Variants in NALCN observed in about 807,000 individuals in gnomAD.
NALCN encodes sodium leak channel, non-selective, also known as sodium leak channel NALCN.
In NALCN, 111 loss-of-function variants were observed where a neutral mutation model predicts 225.3. That is an observed-to-expected ratio of 0.49 (90% confidence interval 0.42 to 0.58). The LOEUF is 0.58. Ranked by LOEUF, NALCN falls within the 20% of genes least tolerant of loss-of-function variation. The probability of loss-of-function intolerance (pLI) is 0.00; values close to 1 mark genes in which losing one functional copy is unlikely to be tolerated. For synonymous variants in NALCN, 764 were observed against 769.0 expected, an observed-to-expected ratio of 0.99 and a Z score of 0.11; for missense variants, 1,378 against 2,202.4, an observed-to-expected ratio of 0.63 and a Z score of 7.49.
chr13:101,357,605 C>A (rs754315871), intron 6 of NALCN, among the ~76,000 whole-genome samples: 1 of 152,132 alleles, frequency 6.6e-6, no homozygotes, highest in African/African-American at 2.4e-5. Context: ...AATGGCCATA[C>A]TGCCCAAAAT....
At chr13:101,270,433 T>C (rs2042739270) in intron 10 of NALCN, among the ~76,000 whole-genome samples, 1 of 152,218 alleles carries the variant, frequency 6.6e-6, no homozygotes, top group Non-Finnish European at 1.5e-5. Context: ...CACAAAACTT[T>C]TGTTTTAAAC....
chr13:101,406,616 A>T (rs974821466), intron 1 of NALCN, among the ~76,000 whole-genome samples: 9 of 152,100 alleles, frequency 5.9e-5, no homozygotes, highest in African/African-American at 2.2e-4. Context: ...TTATTATCTG[A>T]CTCACTTTAT....
intron 7 of NALCN, among the ~76,000 whole-genome samples, chr13:101,303,534 AT>A (rs1191712677): frequency 6.6e-6 from 1 of 152,070 alleles, no homozygotes; most frequent in Admixed American, 6.6e-5. Flanking sequence ...TTTCTGCTTG[AT>A]TTTAACAACT....
chr13:101,322,482 G>C (rs2044778420), intron 7 of NALCN, among the ~76,000 whole-genome samples: 1 of 152,122 alleles, frequency 6.6e-6, no homozygotes, highest in South Asian at 2.1e-4. Flanking sequence ...AATGTTTCCA[G>C]TTTATTAATT....
intron 15 of NALCN, among the ~76,000 whole-genome samples, chr13:101,163,578 G>GA (rs2038292146): frequency 6.6e-6 from 1 of 152,132 alleles, no homozygotes; most frequent in East Asian, 1.9e-4. Context: ...AAAGGCAGAA[G>GA]AAAATAACTC....
At chr13:101,384,622 T>C (rs1053856330) in intron 3 of NALCN, among the ~76,000 whole-genome samples, 4 of 152,216 alleles carry the variant, frequency 2.6e-5, no homozygotes, top group Non-Finnish European at 5.9e-5. Flanking sequence ...ATGCTACTTT[T>C]ACTTGTATCT....
chr13:101,361,282 G>A (rs1339494048), intron 6 of NALCN, among the ~76,000 whole-genome samples: 1 of 152,152 alleles, frequency 6.6e-6, no homozygotes, highest in East Asian at 1.9e-4. Context: ...TTCTGTGGAG[G>A]CGGCTACAGT....
chr13:101,183,989 A>G lies in NALCN; in HGVS notation c.1765-7615T>C, dbSNP rs1200610584. On this transcript the variant is annotated intron_variant, in intron 14 of 43. Coordinates refer to ENST00000251127, the MANE Select transcript of NALCN (RefSeq NM_052867.4). ...TATTTGGCACTTTTAACAGGTCTAT[A>G]GCGTTTGATCATATTAATATGCAAC... is the stretch of plus-strand genomic sequence containing the variant. Among the ~76,000 whole-genome samples the G allele has an allele frequency of 2.6e-5, 4 of 152,338 alleles. No individual in the cohort carries two copies. The East Asian group carries it at 5.8e-4, about 22-fold the overall frequency.
intron 3 of NALCN, 21 bp from the exon 4 acceptor site, chr13:101,378,674 G>C (rs1232522462): frequency 6.4e-7 from 1 of 1,565,150 alleles, no homozygotes; most frequent in Admixed American, 1.7e-5. Context: ...ATTTTACATG[G>C]CATTATTAGG....
chr13:101,264,621 A>C (rs146371621), intron 10 of NALCN, among the ~76,000 whole-genome samples: 1 of 152,262 alleles, frequency 6.6e-6, no homozygotes, highest in Admixed American at 6.5e-5. Flanking sequence ...AGCATGTTGA[A>C]TTTTGAGAAG....
chr13:101,172,538 T>C (rs2038772638), intron 15 of NALCN, among the ~76,000 whole-genome samples: 1 of 152,070 alleles, frequency 6.6e-6, no homozygotes, highest in South Asian at 2.1e-4. Context: ...CCCTACTGAG[T>C]GTTGCATGTT....
intron 27 of NALCN, among the ~76,000 whole-genome samples, chr13:101,099,763 C>A (rs1441961654): frequency 6.6e-6 from 1 of 152,168 alleles, no homozygotes; most frequent in Non-Finnish European, 1.5e-5. Context: ...CAGATTCTCC[C>A]ACAGCCCACT....
intron 15 of NALCN, among the ~76,000 whole-genome samples, chr13:101,153,350 T>C (rs1212161802): frequency 6.6e-6 from 1 of 152,204 alleles, no homozygotes; most frequent in Admixed American, 6.5e-5. Context: ...ACTTCACCCA[T>C]ATGAATGGGG....
intron 37 of NALCN, among the ~76,000 whole-genome samples, chr13:101,071,417 CTTCT>C: frequency 6.6e-6 from 1 of 152,206 alleles, no homozygotes; most frequent in Admixed American, 6.5e-5. Flanking sequence ...TGAGCTAGAT[CTTCT>C]AGATAACTTG....
intron 13 of NALCN, among the ~76,000 whole-genome samples, chr13:101,220,850 C>A (rs900060192): frequency 2.6e-5 from 4 of 152,010 alleles, no homozygotes; most frequent in Non-Finnish European, 5.9e-5. Flanking sequence ...AGGCTGTAAT[C>A]TAGTCTTTTA....
Position 101,090,795 on chromosome 13 carries a change from T to C in NALCN, c.3270-829A>G, listed in dbSNP as rs964177723. On this transcript the variant is annotated intron_variant, in intron 28 of 43. Coordinates refer to ENST00000251127, the MANE Select transcript of NALCN (RefSeq NM_052867.4). Reference sequence around the variant, plus strand: ...ATTGCATAATGCTGGGGTTTGAGCTTCTAATGAACCCATTACTCAGATAGT... The same window carrying C: ...ATTGCATAATGCTGGGGTTTGAGCTCCTAATGAACCCATTACTCAGATAGT... Among the ~76,000 whole-genome samples, 4 of 152,264 alleles carry C rather than the reference T, an allele frequency of 2.6e-5. No homozygotes were observed. The East Asian group carries it at 7.7e-4, about 29-fold the overall frequency.
intron 15 of NALCN, among the ~76,000 whole-genome samples, chr13:101,149,081 A>C (rs7983568): frequency 0.75 from 114,461 of 152,018 alleles, 43,439 homozygotes; most frequent in East Asian, 1. Flanking sequence ...ATCACGAGGT[A>C]AGGAGATCGA....
chr13:101,390,560 G>A (rs372589987), intron 3 of NALCN, among the ~76,000 whole-genome samples: 30 of 151,834 alleles, frequency 2.0e-4, no homozygotes, highest in Non-Finnish European at 4.0e-4. Flanking sequence ...AAATATATCC[G>A]TAACTATCAA....
intron 2 of NALCN, among the ~76,000 whole-genome samples, chr13:101,398,059 A>G (rs2047366559): frequency 6.6e-6 from 1 of 152,184 alleles, no homozygotes; most frequent in Non-Finnish European, 1.5e-5. Flanking sequence ...GTGTGCTGAC[A>G]CAGGAAAGGA....
Sources: allele counts gnomAD v4.1 joint callset (sites outside exome capture counted in the v4.1 genomes callset), GRCh38; gene constraint gnomAD v4.1.1; transcripts MANE v1.5; gene names NCBI Gene and HGNC (gene_info 2026-07-23, HGNC 2026-07-21).